The following GTF3C4 variants were observed in gnomAD, a reference collection of about 807,000 sequenced individuals.
GTF3C4 encodes general transcription factor 3C polypeptide 4.
Under a neutral mutation model 67.5 loss-of-function variants are expected in GTF3C4, and 28 were observed. The ratio of observed to expected loss-of-function variants is 0.41; its 90% confidence interval spans 0.31 to 0.57. GTF3C4 has a LOEUF of 0.57. GTF3C4 is among the 20% of genes least tolerant of loss of function. The probability of loss-of-function intolerance (pLI) is 0.21; values close to 1 mark genes in which losing one functional copy is unlikely to be tolerated. For missense variants in GTF3C4, 831 were observed against 1,033.2 expected (o/e 0.80, Z 2.68); for synonymous variants, 409 against 393.0 (o/e 1.04, Z -0.48).
intron 4 of GTF3C4, 42 bp from the exon 5 acceptor site, chr9:132,688,839 T>C: frequency 6.8e-7 from 1 of 1,468,862 alleles, no homozygotes; most frequent in South Asian, 1.1e-5. Context: ...TGACTGTCTT[T>C]TCCGAAGCTA....
Position 132,680,370 on chromosome 9 carries a change from T to C in GTF3C4, c.2184+567T>C, listed in dbSNP as rs530062982. Among the ~76,000 whole-genome samples, 4 of 152,352 alleles carry C rather than the reference T, an allele frequency of 2.6e-5. No homozygotes were observed. The East Asian group carries it at 5.8e-4, about 22-fold the overall frequency. On this transcript the variant is annotated intron_variant, in intron 2 of 4. Coordinates refer to ENST00000372146, the MANE Select transcript of GTF3C4 (RefSeq NM_012204.4). ...GAATTTAAGTTGCTTAACAGAGCACTAGGGTTCCCAGTGCATATTACCACT... is the reference window on the plus strand; with the variant it reads ...GAATTTAAGTTGCTTAACAGAGCACCAGGGTTCCCAGTGCATATTACCACT...
Position 132,683,705 on chromosome 9 carries a change from TA to T in GTF3C4, c.2315+16del. 6.2e-7 allele frequency: 1 copy of T among 1,601,278 alleles called. No individual in the cohort carries two copies. The highest frequency in any genetic ancestry group is 8.5e-7 in the Non-Finnish European group (1 of 1,176,092). The stretch of plus-strand genomic sequence containing the variant: ...CACATTTGGCTCCGGTAAGCCATTT[TA>T]AAAGTTTCTACTTCTGCTCATTTTT... On this transcript the variant is annotated intron_variant, in intron 3 of 4. Transcript: ENST00000372146.
Position 132,678,203 on chromosome 9 carries a change from C to G in GTF3C4, c.584C>G (p.Ala195Gly). 6.2e-7 allele frequency: 1 copy of G among 1,614,248 alleles called. No homozygotes were observed. Among genetic ancestry groups the G allele is most frequent in the Non-Finnish European group, 8.5e-7 (1 of 1,180,036 alleles). The change falls in exon 2 of 5, where the codon GCA becomes GGA. Residue 195 changes from alanine to glycine, a missense_variant. This residue lies in a region of GTF3C4 where 390 missense variants were observed against 540.3 expected (regional missense o/e 0.72). Coordinates refer to ENST00000372146, the MANE Select transcript of GTF3C4 (RefSeq NM_012204.4). The surrounding 1 kb of genome is among the most constrained non-coding windows in gnomAD (Gnocchi z 6.5). ...LTMDNRLTIQANLNRLQWVQL... is the reference protein window; with the variant it reads ...LTMDNRLTIQGNLNRLQWVQL... ...ATGGACAATCGCCTGACCATCCAGG[C>G]AAATCTCAACAGACTGCAGTGGGTC...
At chr9:132,676,359 C>T (rs1481474558) in intron 1 of GTF3C4, among the ~76,000 whole-genome samples, 1 of 149,934 alleles carries the variant, frequency 6.7e-6, no homozygotes, top group African/African-American at 2.5e-5. Context: ...GGCTCCATCA[C>T]CCAGGCTGGA....
intron 2 of GTF3C4, among the ~76,000 whole-genome samples, chr9:132,682,595 C>CTTT (rs34962674): frequency 0.03 from 2,762 of 92,534 alleles, 368 homozygotes; most frequent in African/African-American, 0.11. Context: ...ACAGTATAAT[C>CTTT]TTTTTTTTTT....
chr9:132,670,300 A>G, upstream of GTF3C4: 1 of 1,502,480 alleles, frequency 6.7e-7, no homozygotes, highest in South Asian at 1.3e-5. Flanking sequence ...TCAGCACTTT[A>G]GGAACTAAAG....
chr9:132,670,079 G>A (rs1341908287), upstream of GTF3C4: 1 of 1,560,862 alleles, frequency 6.4e-7, no homozygotes, highest in East Asian at 2.4e-5. Flanking sequence ...TCGTCCCGAG[G>A]GGAGCCGGGG....
chr9:132,670,302 G>T (rs1251686862), upstream of GTF3C4: 1 of 1,500,050 alleles, frequency 6.7e-7, no homozygotes, highest in Non-Finnish European at 8.9e-7. Flanking sequence ...AGCACTTTAG[G>T]AACTAAAGCC....
At chr9:132,688,781 G>A in intron 4 of GTF3C4, 100 bp from the exon 5 acceptor site, 2 of 846,522 alleles carry the variant, frequency 2.4e-6, no homozygotes, top group Non-Finnish European at 4.1e-6. Flanking sequence ...GCAGAGGTGG[G>A]ACCAGAATGC....
In GTF3C4 at chr9:132,678,075, C is replaced by T. The variant is rs770376016; in HGVS notation, c.456C>T (p.Asn152=). ...CTTTCATGTTGGATAGGGTGTTCAA[C>T]CCTGAGGGGAAGGCTTTACCACCAA... ...SQTFMLDRVF[N]PEGKALPPMR... Residue 152 remains asparagine (N), a synonymous_variant, in exon 2 of 5, where the codon AAC becomes AAT. Coordinates refer to ENST00000372146, the MANE Select transcript of GTF3C4 (RefSeq NM_012204.4). This position sits in a 1 kb window ranked among gnomAD's most constrained non-coding sequence, Gnocchi z 6.5. The T allele has an allele frequency of 1.2e-6, 2 of 1,614,198 alleles. No individual in the cohort carries two copies. The highest frequency in any genetic ancestry group is 1.7e-5 in the Admixed American group (1 of 60,022).
rs949541169 is a variant in GTF3C4 at position 132,691,694 on chromosome 9, A to C, written c.*2749A>C. On this transcript the variant is annotated 3_prime_UTR_variant, in exon 5 of 5. Coordinates refer to ENST00000372146, the MANE Select transcript of GTF3C4 (RefSeq NM_012204.4). ...AAATCCCTGTGTGTCCACCAGGCAG[A>C]CTTCAAGCAATCTCTACCTACTATT... The C allele has an allele frequency of 2.6e-5, 4 of 152,206 alleles. No individual in the cohort carries two copies. In the East Asian group the frequency reaches 7.7e-4, roughly 29 times the overall value. The allele number at this position is 152,206 out of a possible 1,614,324, so 9.4% of individuals were successfully genotyped here. A position where few individuals can be genotyped will look rare whatever the true frequency, so the allele number is the denominator to read the frequency against.
In GTF3C4 at chr9:132,678,782, G is replaced by C. The variant is rs1412690859; in HGVS notation, c.1163G>C (p.Cys388Ser). The change falls in exon 2 of 5, where the codon TGC becomes TCC. Residue 388 changes from cysteine to serine, a missense_variant. By Grantham distance (112) the Cys-to-Ser change is moderately radical. Transcript: ENST00000372146. The surrounding 1 kb of genome is among the most constrained non-coding windows in gnomAD (Gnocchi z 6.5). ...PLYHPYQKCSCSLVVAARGSY... is the reference protein window; with the variant it reads ...PLYHPYQKCSSSLVVAARGSY... ...TATCATCCTTACCAGAAGTGTAGTT[G>C]CAGCTTAGTAGTGGCTGCAAGAGGC... is the stretch of plus-strand genomic sequence containing the variant. The C allele has an allele frequency of 1.2e-6, 2 of 1,614,026 alleles. No homozygotes were observed. The highest frequency in any genetic ancestry group is 3.3e-5 in the Admixed American group (2 of 60,010).
At chr9:132,675,895 C>T (rs867519128) in intron 1 of GTF3C4, among the ~76,000 whole-genome samples, 12 of 89,034 alleles carry the variant, frequency 1.3e-4, no homozygotes, top group African/African-American at 3.8e-4. Flanking sequence ...TCCAGTTACC[C>T]TTTTTTTTTT....
At chr9:132,672,514 T>G (rs1426393387) in intron 1 of GTF3C4, among the ~76,000 whole-genome samples, 1 of 152,206 alleles carries the variant, frequency 6.6e-6, no homozygotes, top group Non-Finnish European at 1.5e-5. Flanking sequence ...TAATTAATTA[T>G]TGTTTGTATA....
At chr9:132,681,313 G>GTATGGT (rs1402250412) in intron 2 of GTF3C4, among the ~76,000 whole-genome samples, 2 of 152,292 alleles carry the variant, frequency 1.3e-5, no homozygotes, top group African/African-American at 4.8e-5. Flanking sequence ...GTTACATTTA[G>GTATGGT]CATGGTGATG....
chr9:132,689,994 ACC>A lies in GTF3C4; in HGVS notation c.*1052_*1053del, dbSNP rs1836089793. The A allele has an allele frequency of 6.6e-6, 1 of 151,988 alleles. No homozygotes were observed. Among genetic ancestry groups the A allele is most frequent in the South Asian group, 2.1e-4 (1 of 4,800 alleles). The allele number at this position is 151,988 out of a possible 1,614,324, so 9.4% of individuals were successfully genotyped here. A position where few individuals can be genotyped will look rare whatever the true frequency, so the allele number is the denominator to read the frequency against. On this transcript the variant is annotated 3_prime_UTR_variant, in exon 5 of 5. Transcript: ENST00000372146. ...ATTTGGAATCCAGGTTCTGCCCCCA[ACC>A]CCTACCCACCCAGTGGTCTGTTAAG...
At chr9:132,683,102 T>C (rs1018665043) in intron 2 of GTF3C4, among the ~76,000 whole-genome samples, 1 of 152,188 alleles carries the variant, frequency 6.6e-6, no homozygotes, top group Non-Finnish European at 1.5e-5. Context: ...GAATAGACAT[T>C]TGTACAGTTC....
At chr9:132,673,855 G>A (rs984942702) in intron 1 of GTF3C4, among the ~76,000 whole-genome samples, 1 of 152,266 alleles carries the variant, frequency 6.6e-6, no homozygotes, top group South Asian at 2.1e-4. Flanking sequence ...AAGGTGGACA[G>A]TATAAATCTG....
Position 132,693,614 on chromosome 9 carries a change from A to T in GTF3C4, c.*4669A>T, listed in dbSNP as rs939199802. 5 of 151,856 alleles carry T rather than the reference A, an allele frequency of 3.3e-5. No individual in the cohort carries two copies. In the East Asian group the frequency reaches 9.7e-4, roughly 29 times the overall value. The allele number at this position is 151,856 out of a possible 1,614,324, so 9.4% of individuals were successfully genotyped here. On this transcript the variant is annotated 3_prime_UTR_variant, in exon 5 of 5. Transcript: ENST00000372146. The stretch of plus-strand genomic sequence containing the variant: ...TCTTATGCTTATTTTTAAAGTAAAA[A>T]GTTGCCTCACTGTCATGAAATCCTG...
Sources: gnomAD v4.1 joint callset for allele counts (sites outside exome capture counted in the v4.1 genomes callset) on GRCh38, gnomAD v4.1.1 for gene constraint, gnomAD v4.1.1 regional missense constraint, Gnocchi (gnomAD v3.1) non-coding constraint, MANE v1.5 for transcripts, NCBI Gene and HGNC (gene_info 2026-07-23, HGNC 2026-07-21) for gene names.